The following GDPD4 variants were observed in gnomAD, a reference collection of about 807,000 sequenced individuals.
GDPD4 encodes glycerophosphodiester phosphodiesterase domain containing 4.
A neutral mutation model predicts 67.8 loss-of-function variants in GDPD4; 60 were observed. The observed-to-expected ratio is 0.88, with a 90% CI of 0.72 to 1.10. The LOEUF (loss-of-function observed/expected upper bound fraction) is 1.10. Ranked by LOEUF, GDPD4 falls within the 50% of genes least tolerant of loss-of-function variation. GDPD4 has a pLI of 0.00. For synonymous variants in GDPD4, 212 were observed against 210.9 expected, an observed-to-expected ratio of 1.00 and a Z score of -0.04; for missense variants, 623 against 613.9, an observed-to-expected ratio of 1.01 and a Z score of -0.16.
rs190561768 is a variant in GDPD4, at chr11:77,275,811, G to C, written c.207+350C>G. Among the ~76,000 whole-genome samples, 111 of 152,258 alleles carry C rather than the reference G, an allele frequency of 7.3e-4. 1 individual carries two copies. The highest frequency in any genetic ancestry group is 2.6e-3 in the African/African-American group (106 of 41,554). On this transcript the variant is annotated intron_variant, in intron 5 of 16. Transcript: ENST00000315938. ...CAGTGAACTGAAATTTTTAATCACT[G>C]AAATGAGAGTATTCTTGTGACTGAA...
At chr11:77,218,583 C>A (rs1237694083) in intron 16 of GDPD4, among the ~76,000 whole-genome samples, 2 of 152,140 alleles carry the variant, frequency 1.3e-5, no homozygotes, top group African/African-American at 4.8e-5. Context: ...TGTTCCCTGC[C>A]CTGTATGCAA....
chr11:77,251,653 T>C (rs1041815688), intron 11 of GDPD4, among the ~76,000 whole-genome samples: 25 of 152,210 alleles, frequency 1.6e-4, no homozygotes, highest in African/African-American at 5.8e-4. Context: ...CTTTTGACAA[T>C]TTGATAAAAT....
Position 77,285,769 on chromosome 11 carries a change from C to CTGCAAAGA in GDPD4, c.-50-583_-50-582insTCTTTGCA, listed in dbSNP as rs556832249. 1.5e-3 allele frequency among the ~76,000 whole-genome samples: 229 copies of CTGCAAAGA among 152,240 alleles called. 1 individual carries two copies. The highest frequency in any genetic ancestry group is 2.5e-3 in the Non-Finnish European group (173 of 68,006). ...AACCTCATTTTTGCAGAAGAAAGCT[C>CTGCAAAGA]AGAGAGGTAAAATAATTGATTCAAG... On this transcript the variant is annotated intron_variant, in intron 2 of 16. Transcript: ENST00000315938.
At chr11:77,224,371 T>A (rs1958286234) in intron 16 of GDPD4, 1 of 152,236 alleles carries the variant, frequency 6.6e-6, no homozygotes, top group South Asian at 2.1e-4. Context: ...TTATGCTATA[T>A]GACAAAGGTT....
chr11:77,261,071 A>G (rs1044639738), intron 10 of GDPD4, among the ~76,000 whole-genome samples: 1 of 152,190 alleles, frequency 6.6e-6, no homozygotes, highest in Non-Finnish European at 1.5e-5. Flanking sequence ...AAAGTCTCCA[A>G]ACTAATGTCT....
intron 14 of GDPD4, among the ~76,000 whole-genome samples, chr11:77,229,508 G>A (rs1268143012): frequency 6.6e-6 from 1 of 152,196 alleles, no homozygotes; most frequent in Admixed American, 6.5e-5. Flanking sequence ...GGCAGAGGGG[G>A]TCCCAGAGAA....
At chr11:77,273,370 A>G (rs1365166840) in intron 5 of GDPD4, among the ~76,000 whole-genome samples, 4 of 152,178 alleles carry the variant, frequency 2.6e-5, no homozygotes, top group Non-Finnish European at 5.9e-5. Flanking sequence ...TGAAGACCTG[A>G]AGACTCAACC....
rs1197549276 is a variant in GDPD4 at position 77,234,469 on chromosome 11, A to G, written c.1242-1297T>C. Among the ~76,000 whole-genome samples, 3 of 152,168 alleles carry G rather than the reference A, an allele frequency of 2.0e-5. No individual in the cohort carries two copies. The East Asian group carries it at 5.8e-4, about 29-fold the overall frequency. ...CCAAATAGTGAACATAGTACCCCAC[A>G]GGTAGTTTTCCAACCCTTTCCCCTG... On this transcript the variant is annotated intron_variant, in intron 13 of 16. Transcript: ENST00000315938.
Position 77,226,546 on chromosome 11 carries a change from C to T in GDPD4, c.1525+1318G>A, listed in dbSNP as rs186950216. Among the ~76,000 whole-genome samples, 613 of 152,234 alleles carry T rather than the reference C, an allele frequency of 4.0e-3. 1 individual carries two copies. Among genetic ancestry groups the T allele is most frequent in the Non-Finnish European group, 6.1e-3 (418 of 68,008 alleles). On this transcript the variant is annotated intron_variant, in intron 16 of 16. Transcript: ENST00000315938. ...GGGCTCCTCACCAAATTTGCCAGCACCTTGATCTGGGATTTCTAGCCTCCA... is the reference window on the plus strand; with the variant it reads ...GGGCTCCTCACCAAATTTGCCAGCATCTTGATCTGGGATTTCTAGCCTCCA...
chr11:77,252,031 C>A (rs1958908732), intron 11 of GDPD4, among the ~76,000 whole-genome samples: 1 of 148,858 alleles, frequency 6.7e-6, no homozygotes, highest in Non-Finnish European at 1.5e-5. Context: ...CAAGGGTGTC[C>A]ATTTGGGTTT....
intron 16 of GDPD4, 45 bp downstream of exon 16, chr11:77,227,819 G>A (rs771505453): frequency 7.0e-7 from 1 of 1,433,578 alleles, no homozygotes; most frequent in South Asian, 1.1e-5. Flanking sequence ...TGGAAGCAAT[G>A]GGTAGGGATG....
At position 77,285,320 on chromosome 11, in the gene GDPD4, CT is replaced by C; in HGVS notation, c.-50-134del. The C allele has an allele frequency of 6.8e-6, 4 of 585,030 alleles. No individual in the cohort carries two copies. In the South Asian group the frequency reaches 8.6e-5, roughly 13 times the overall value. The allele number at this position is 585,030 out of a possible 1,614,324, so 36.2% of individuals were successfully genotyped here. ...CCCTCCTGAGGCTGGAGTGATCACTCTCTTCTTTTTACCCCTACCAAATCCT... is the reference window on the plus strand; with the variant it reads ...CCCTCCTGAGGCTGGAGTGATCACTCCTTCTTTTTACCCCTACCAAATCCT... On this transcript the variant is annotated intron_variant, in intron 2 of 16. Coordinates refer to ENST00000315938, the MANE Select transcript of GDPD4 (RefSeq NM_182833.3).
chr11:77,295,908 T>C (rs1442330799), intron 1 of GDPD4, among the ~76,000 whole-genome samples: 4 of 152,182 alleles, frequency 2.6e-5, no homozygotes, highest in Non-Finnish European at 5.9e-5. Context: ...ACTTGCAGAA[T>C]TATACACTAA....
chr11:77,225,301 A>C (rs1286304122), intron 16 of GDPD4, among the ~76,000 whole-genome samples: 2 of 85,750 alleles, frequency 2.3e-5, no homozygotes, highest in African/African-American at 7.0e-5. Context: ...ACTCTGTCTC[A>C]AAAAAAAAAA....
intron 11 of GDPD4, among the ~76,000 whole-genome samples, chr11:77,257,509 T>C (rs199833123): frequency 7.1e-5 from 6 of 84,940 alleles, no homozygotes; most frequent in South Asian, 1.3e-3. Flanking sequence ...TTCCTACCCC[T>C]CTTCCTTCCT....
At chr11:77,301,264 C>A (rs1395932090) in intron 1 of GDPD4, among the ~76,000 whole-genome samples, 3 of 152,124 alleles carry the variant, frequency 2.0e-5, no homozygotes, top group Non-Finnish European at 4.4e-5. Context: ...AAATCGATTC[C>A]TCCTGCAATC....
chr11:77,258,841 A>G (rs1211096971), intron 10 of GDPD4, among the ~76,000 whole-genome samples: 3 of 152,192 alleles, frequency 2.0e-5, no homozygotes, highest in African/African-American at 7.2e-5. Context: ...GCCTGAAAAT[A>G]AAGTGAATGG....
chr11:77,218,231 T>C (rs1958162529), intron 16 of GDPD4, among the ~76,000 whole-genome samples: 2 of 145,902 alleles, frequency 1.4e-5, no homozygotes. Flanking sequence ...ATTTGGGCAT[T>C]CTTTCTCTCA....
chr11:77,291,128 T>C (rs1475319675), intron 1 of GDPD4, among the ~76,000 whole-genome samples: 2 of 152,198 alleles, frequency 1.3e-5, no homozygotes, highest in African/African-American at 4.8e-5. Flanking sequence ...TAAGTGTCCA[T>C]TAATGGACAA....
Sources: gnomAD v4.1 joint callset for allele counts (sites outside exome capture counted in the v4.1 genomes callset) on GRCh38, gnomAD v4.1.1 for gene constraint, MANE v1.5 for transcripts, NCBI Gene and HGNC (gene_info 2026-07-23, HGNC 2026-07-21) for gene names.